TMEM132E: variants seen among roughly 807,000 people sequenced by gnomAD.
TMEM132E encodes transmembrane protein 132E.
A neutral mutation model predicts 78.5 loss-of-function variants in TMEM132E; 49 were observed. That is an observed-to-expected ratio of 0.62 (90% CI 0.50 to 0.79). The LOEUF is 0.79. TMEM132E is among the 30% of genes least tolerant of loss of function. TMEM132E has a pLI of 0.00. For missense variants in TMEM132E, 1,403 were observed against 1,470.9 expected, an observed-to-expected ratio of 0.95 and a Z score of 0.75; for synonymous variants, 715 against 670.6, an observed-to-expected ratio of 1.07 and a Z score of -1.02.
chr17:34,590,035 G>T (rs891029237), intron 1 of TMEM132E, among the ~76,000 whole-genome samples: 1 of 152,220 alleles, frequency 6.6e-6, no homozygotes, highest in Non-Finnish European at 1.5e-5. Flanking sequence ...GCTGTGGGAG[G>T]TGGTGGGGTG....
intron 1 of TMEM132E, among the ~76,000 whole-genome samples, chr17:34,590,037 G>A (rs535751621): frequency 6.6e-6 from 1 of 152,318 alleles, no homozygotes; most frequent in Admixed American, 6.5e-5. Context: ...TGTGGGAGGT[G>A]GTGGGGTGAG....
intron 1 of TMEM132E, among the ~76,000 whole-genome samples, chr17:34,589,029 C>T (rs1416335871): frequency 2.0e-5 from 3 of 152,214 alleles, no homozygotes; most frequent in African/African-American, 7.2e-5. Flanking sequence ...GCTGGGATTA[C>T]AGGCAAGTGC....
Position 34,638,161 on chromosome 17 carries a change from G to A in TMEM132E, c.3154G>A (p.Ala1052Thr). The A allele has an allele frequency of 6.2e-7, 1 of 1,605,334 alleles. No homozygotes were observed. Among genetic ancestry groups the A allele is most frequent in the South Asian group, 1.1e-5 (1 of 89,890 alleles). Residue 1052 changes from alanine (A) to threonine (T), a missense_variant, in exon 9 of 9, where the codon GCG becomes ACG. By Grantham distance (58) the Ala-to-Thr change is moderately conservative. Transcript: ENST00000631683. ...CCTGGGTTGGGGCTGCCCGGATGTG[G>A]CGGGCCCCACGCGGCCCACTGCACC... Reference protein sequence around the residue: ...EDLGWGCPDVAGPTRPTAPPD... With the variant: ...EDLGWGCPDVTGPTRPTAPPD...
At position 34,637,358 on chromosome 17, in the gene TMEM132E, G is replaced by T. The variant is rs749453004; in HGVS notation, c.2351G>T (p.Arg784Leu). 2 of 1,613,950 alleles carry T rather than the reference G, an allele frequency of 1.2e-6. No individual in the cohort carries two copies. The highest frequency in any genetic ancestry group is 1.7e-6 in the Non-Finnish European group (2 of 1,180,044). Residue 784 changes from arginine (R) to leucine (L), a missense_variant, in exon 9 of 9, where the codon CGC becomes CTC. Physicochemically the swap from Arg to Leu is moderately radical, Grantham distance 102 (BLOSUM62 -2). Transcript: ENST00000631683. ...GCCGAGGGGTCAGGGGAGCTGCTTCGCGCAGAGCTAACCATCGCTGAGAGC... is the reference window on the plus strand; with the variant it reads ...GCCGAGGGGTCAGGGGAGCTGCTTCTCGCAGAGCTAACCATCGCTGAGAGC... Reference protein sequence around the residue: ...AEAEGSGELLRAELTIAESCQ... With the variant: ...AEAEGSGELLLAELTIAESCQ...
intron 1 of TMEM132E, among the ~76,000 whole-genome samples, chr17:34,617,478 GAACTAAAT>G (rs549710393): frequency 2.6e-4 from 39 of 152,254 alleles, no homozygotes; most frequent in Non-Finnish European, 4.4e-4. Flanking sequence ...CCTCCTCTCA[GAACTAAAT>G]AACCAATAAA....
intron 6 of TMEM132E, among the ~76,000 whole-genome samples, chr17:34,634,318 C>T (rs1209309980): frequency 6.6e-6 from 1 of 152,200 alleles, no homozygotes; most frequent in Non-Finnish European, 1.5e-5. Flanking sequence ...AACCAGGCCA[C>T]GATTTCCACA....
intron 2 of TMEM132E, among the ~76,000 whole-genome samples, chr17:34,627,403 G>T (rs1231898097): frequency 6.6e-6 from 1 of 151,644 alleles, no homozygotes; most frequent in Non-Finnish European, 1.5e-5. Context: ...CAGACAAGGA[G>T]ACTGAGGCCA....
Position 34,630,136 on chromosome 17 carries a change from T to C in TMEM132E, c.1467T>C (p.Asn489=). 6.2e-7 allele frequency: 1 copy of C among 1,612,194 alleles called. No individual in the cohort carries two copies. The highest frequency in any genetic ancestry group is 8.5e-7 in the Non-Finnish European group (1 of 1,178,514). The change falls in exon 5 of 9, where the codon AAT becomes AAC. Residue 489 remains asparagine (N), a synonymous_variant. Transcript: ENST00000631683. ...ISALVECESD[N]EDIIKVSSSC... is the part of the protein sequence containing the mutation. ...CCCTAGTGGAATGCGAGTCTGACAA[T>C]GAAGACATCATCAAGGTGGGCATCC... is the stretch of plus-strand genomic sequence containing the variant.
rs1212691137 is a variant in TMEM132E, at chr17:34,626,689, G to A, written c.630G>A (p.Thr210=). 1 of 1,395,174 alleles carries A rather than the reference G, an allele frequency of 7.2e-7. No individual in the cohort carries two copies. Among genetic ancestry groups the A allele is most frequent in the Non-Finnish European group, 9.4e-7 (1 of 1,068,000 alleles). 86.4% of individuals were successfully genotyped at this position (1,395,174 alleles called of 1,614,324 possible). The part of the protein sequence containing the change: ...FGPPAPAAPP[T]ARRKSPDGLE... ...CCCCAGCCCCCGCTGCGCCACCCAC[G>A]GCCCGCCGCAAGTCCCCGGACGGGC... The change falls in exon 2 of 9, where the codon ACG becomes ACA. Residue 210 remains threonine, a synonymous_variant. Coordinates refer to ENST00000631683, the MANE Select transcript of TMEM132E (RefSeq NM_001304438.2).
intron 1 of TMEM132E, among the ~76,000 whole-genome samples, chr17:34,625,583 C>T (rs1907088975): frequency 1.3e-5 from 2 of 150,832 alleles, no homozygotes; most frequent in Non-Finnish European, 2.9e-5. Flanking sequence ...GAAAACTGGT[C>T]GCGTGGATGG....
intron 1 of TMEM132E, among the ~76,000 whole-genome samples, chr17:34,593,529 C>T (rs943240245): frequency 6.6e-6 from 1 of 152,324 alleles, no homozygotes; most frequent in Admixed American, 6.5e-5. Flanking sequence ...GCCCCAGAGT[C>T]AGTGCTCTGG....
rs773737975 is a variant in TMEM132E, at chr17:34,626,829, G to A, written c.770G>A (p.Gly257Glu). Residue 257 changes from glycine to glutamate, a missense_variant, in exon 2 of 9, where the codon GGG becomes GAG. Gly to Glu is a moderately conservative substitution (Grantham distance 98). Transcript: ENST00000631683. ...CGCCGGGGGGCCGGGCCCGGGGTGGGGGCCCGAGCGGAAAGCCCTACCCAG... is the reference window on the plus strand; with the variant it reads ...CGCCGGGGGGCCGGGCCCGGGGTGGAGGCCCGAGCGGAAAGCCCTACCCAG... ...GSRRGAGPGV[G>E]ARAESPTQHP... 2.6e-6 allele frequency: 4 copies of A among 1,555,658 alleles called. No homozygotes were observed. The highest frequency in any genetic ancestry group is 3.5e-6 in the Non-Finnish European group (4 of 1,156,834).
rs961854361 is a variant in TMEM132E at position 34,629,347 on chromosome 17, C to T, written c.1338+143C>T. On this transcript the variant is annotated intron_variant, in intron 4 of 8. Transcript: ENST00000631683. ...GACTTCCTGCCATGCCCAGGTATGC[C>T]TGTGTGAGAAGGTGCATGCATGTGT... The T allele has an allele frequency of 5.5e-5, 53 of 959,214 alleles. No individual in the cohort carries two copies. The African/African-American group carries it at 8.9e-4, about 16-fold the overall frequency. 59.4% of individuals were successfully genotyped at this position (959,214 alleles called of 1,614,324 possible). A position where few individuals can be genotyped will look rare whatever the true frequency, so the allele number is the denominator to read the frequency against.
intron 1 of TMEM132E, among the ~76,000 whole-genome samples, chr17:34,581,731 GTC>G (rs926626417): frequency 6.6e-6 from 1 of 151,962 alleles, no homozygotes; most frequent in Non-Finnish European, 1.5e-5. Context: ...GAGGGCGGGG[GTC>G]TGGGCACCCG....
chr17:34,634,125 A>G (rs577949372), intron 6 of TMEM132E, among the ~76,000 whole-genome samples: 1 of 152,376 alleles, frequency 6.6e-6, no homozygotes, highest in East Asian at 1.9e-4. Flanking sequence ...CTAGCTACAG[A>G]GAAAAACACT....
At chr17:34,615,517 A>ATGTGTGTGTGTG (rs3048841) in intron 1 of TMEM132E, among the ~76,000 whole-genome samples, 2,396 of 140,842 alleles carry the variant, frequency 0.017, 60 homozygotes, top group East Asian at 0.1. Context: ...ACTGGCACAG[A>ATGTGTGTGTGTG]TGTGTGTGTG....
In TMEM132E at chr17:34,635,885, C is replaced by T; in HGVS notation, c.1978-122C>T. The T allele has an allele frequency of 4.8e-6, 5 of 1,035,824 alleles. No individual in the cohort carries two copies. In the East Asian group the frequency reaches 1.6e-4, roughly 34 times the overall value. 64.2% of individuals were successfully genotyped at this position (1,035,824 alleles called of 1,614,324 possible). A position where few individuals can be genotyped will look rare whatever the true frequency, so the allele number is the denominator to read the frequency against. ...GGCAGAGCTGCGAAGTCCTGCCTCC[C>T]AGCCTGCCTCACCCTTCAGGCCCCT... On this transcript the variant is annotated intron_variant, in intron 7 of 8. Coordinates refer to ENST00000631683, the MANE Select transcript of TMEM132E (RefSeq NM_001304438.2).
At chr17:34,625,844 G>A (rs1205677573) in intron 1 of TMEM132E, among the ~76,000 whole-genome samples, 1 of 152,260 alleles carries the variant, frequency 6.6e-6, no homozygotes, top group Non-Finnish European at 1.5e-5. Flanking sequence ...ACAAGGTTTT[G>A]CGACGGTATT....
intron 1 of TMEM132E, among the ~76,000 whole-genome samples, chr17:34,613,732 C>T (rs1906689872): frequency 6.6e-6 from 1 of 152,120 alleles, no homozygotes; most frequent in South Asian, 2.1e-4. Context: ...CCTCCCCCAG[C>T]CCTCCATGGG....
Sources: gnomAD v4.1 joint callset for allele counts (sites outside exome capture counted in the v4.1 genomes callset) on GRCh38, gnomAD v4.1.1 for gene constraint, MANE v1.5 for transcripts, NCBI Gene and HGNC (gene_info 2026-07-23, HGNC 2026-07-21) for gene names.